The following TMOD1 variants were observed in gnomAD, a reference collection of about 807,000 sequenced individuals.
TMOD1 encodes the protein tropomodulin 1.
TMOD1 carries 17 observed loss-of-function variants against 40.6 expected under a neutral mutation model. That is an observed-to-expected ratio of 0.42 (90% CI 0.29 to 0.63). The LOEUF is 0.63. Among genes scored for constraint, TMOD1 ranks in the 20% least tolerant of loss-of-function variants. The pLI, the probability that TMOD1 is intolerant of heterozygous loss-of-function variation, is 0.22. For synonymous variants in TMOD1, 181 were observed against 175.0 expected, an observed-to-expected ratio of 1.03 and a Z score of -0.27; for missense variants, 391 against 447.6, an observed-to-expected ratio of 0.87 and a Z score of 1.14.
chr9:97,537,983 T>C (rs1243485382), intron 2 of TMOD1, among the ~76,000 whole-genome samples: 1 of 152,238 alleles, frequency 6.6e-6, no homozygotes, highest in East Asian at 1.9e-4. Context: ...ACATTGTTAT[T>C]AAAATATTTG....
chr9:97,559,845 A>ATCTG (rs71487329), intron 4 of TMOD1, among the ~76,000 whole-genome samples: 2 of 105,386 alleles, frequency 1.9e-5, no homozygotes, highest in African/African-American at 8.5e-5. Flanking sequence ...CTATCTATCT[A>ATCTG]TCTATCTCCA....
intron 7 of TMOD1, 26 bp downstream of exon 7, chr9:97,565,981 T>C (rs761426421): frequency 1.2e-6 from 2 of 1,600,450 alleles, no homozygotes; most frequent in South Asian, 1.1e-5. Flanking sequence ...TTCTGTTGCA[T>C]TGTGGCTGGG....
At position 97,557,229 on chromosome 9, in the gene TMOD1, A is replaced by C. The variant is rs1479126469; in HGVS notation, c.397+3829A>C. Among the ~76,000 whole-genome samples, 1 of 152,196 alleles carries C rather than the reference A, an allele frequency of 6.6e-6. No individual in the cohort carries two copies. The highest frequency in any genetic ancestry group is 2.4e-5 in the African/African-American group (1 of 41,448). On this transcript the variant is annotated intron_variant, in intron 4 of 9. Transcript: ENST00000259365. The surrounding 1 kb of genome is among the most constrained non-coding windows in gnomAD (Gnocchi z 4.4). ...AAAGCGTCCCTGCTGGGCAACAAGCAGAGTGCACAGGTTCCTGGCAGGGCT... is the reference window on the plus strand; with the variant it reads ...AAAGCGTCCCTGCTGGGCAACAAGCCGAGTGCACAGGTTCCTGGCAGGGCT...
At chr9:97,550,225 C>T (rs1263608151) in intron 3 of TMOD1, among the ~76,000 whole-genome samples, 2 of 152,170 alleles carry the variant, frequency 1.3e-5, no homozygotes, top group Admixed American at 6.5e-5. Flanking sequence ...TGCTTTATTC[C>T]TTTTTATACC....
intron 4 of TMOD1, among the ~76,000 whole-genome samples, chr9:97,560,258 T>C (rs1466807035): frequency 6.6e-6 from 1 of 152,094 alleles, no homozygotes; most frequent in Non-Finnish European, 1.5e-5. Flanking sequence ...GACGTGTATC[T>C]AGATATGTCT....
chr9:97,554,794 C>T (rs959750112), intron 4 of TMOD1, among the ~76,000 whole-genome samples: 9 of 151,976 alleles, frequency 5.9e-5, no homozygotes, highest in Non-Finnish European at 1.2e-4. Context: ...CTGCCTTCTG[C>T]GACTTGTGAG....
intron 2 of TMOD1, among the ~76,000 whole-genome samples, chr9:97,531,716 G>T (rs1199201871): frequency 6.6e-6 from 1 of 152,158 alleles, no homozygotes; most frequent in African/African-American, 2.4e-5. Context: ...TCATCTAACA[G>T]TACCCCACCC....
At chr9:97,547,223 A>T (rs1334619428) in intron 3 of TMOD1, among the ~76,000 whole-genome samples, 33 of 145,120 alleles carry the variant, frequency 2.3e-4, no homozygotes, top group Non-Finnish European at 1.7e-4. Context: ...CCCCTCCAAT[A>T]TCCCCCTCAT....
intron 8 of TMOD1, among the ~76,000 whole-genome samples, chr9:97,574,337 C>G (rs903165813): frequency 6.6e-6 from 1 of 152,102 alleles, no homozygotes; most frequent in African/African-American, 2.4e-5. Context: ...CCGCCGGCTC[C>G]GGGCAGTGAG....
chr9:97,508,734 A>G (rs1374754809), intron 1 of TMOD1, among the ~76,000 whole-genome samples: 1 of 152,130 alleles, frequency 6.6e-6, no homozygotes, highest in Non-Finnish European at 1.5e-5. Context: ...TTACTGGGTT[A>G]AACAGGGTCC....
At chr9:97,563,370 A>G (rs1309779960) in intron 5 of TMOD1, among the ~76,000 whole-genome samples, 1 of 152,144 alleles carries the variant, frequency 6.6e-6, no homozygotes, top group Non-Finnish European at 1.5e-5. Flanking sequence ...CAACTTCTTA[A>G]TCTACCTGGA....
intron 2 of TMOD1, among the ~76,000 whole-genome samples, chr9:97,545,388 T>A (rs1266242301): frequency 2.0e-5 from 3 of 151,892 alleles, no homozygotes; most frequent in Non-Finnish European, 4.4e-5. Flanking sequence ...ATAACTCCAA[T>A]CCCCCCAATA....
At chr9:97,528,193 T>A (rs191856960) in intron 2 of TMOD1, among the ~76,000 whole-genome samples, 1 of 152,280 alleles carries the variant, frequency 6.6e-6, no homozygotes, top group East Asian at 1.9e-4. Flanking sequence ...ACACTCCACT[T>A]GTGCTACTGG....
chr9:97,523,449 G>T (rs888216305), intron 1 of TMOD1, among the ~76,000 whole-genome samples: 4 of 152,196 alleles, frequency 2.6e-5, no homozygotes, highest in Non-Finnish European at 5.9e-5. Context: ...CGCAGAGAAG[G>T]TCTGCAGCCA....
At chr9:97,527,829 C>G (rs896650999) in intron 2 of TMOD1, among the ~76,000 whole-genome samples, 14 of 152,170 alleles carry the variant, frequency 9.2e-5, no homozygotes, top group African/African-American at 3.4e-4. Context: ...CTCTGCCATT[C>G]CCAGGGAGAA....
In TMOD1 at chr9:97,502,586, G is replaced by A. The variant is rs910403315; in HGVS notation, c.-49+783G>A. 6.6e-6 allele frequency among the ~76,000 whole-genome samples: 1 copy of A among 152,160 alleles called. No individual in the cohort carries two copies. Among genetic ancestry groups the A allele is most frequent in the African/African-American group, 2.4e-5 (1 of 41,444 alleles). On this transcript the variant is annotated intron_variant, in intron 1 of 9. Transcript: ENST00000259365. The surrounding 1 kb of genome is among the most constrained non-coding windows in gnomAD (Gnocchi z 6.1). ...AGAGCTGCAGGGCGCGCTCTTGGCC[G>A]CCTGCGCTCCCCACACCTGTTCACC...
intron 8 of TMOD1, among the ~76,000 whole-genome samples, chr9:97,587,935 T>C (rs2131289285): frequency 6.6e-6 from 1 of 152,374 alleles, no homozygotes; most frequent in Middle Eastern, 3.4e-3. Flanking sequence ...ATCAGAACTT[T>C]ATTCCCTTTC....
intron 9 of TMOD1, among the ~76,000 whole-genome samples, chr9:97,599,018 A>C (rs1052766866): frequency 2.0e-5 from 3 of 152,130 alleles, no homozygotes; most frequent in South Asian, 2.1e-4. Context: ...CTGCATCCTC[A>C]TCATCCTTTA....
In TMOD1 at chr9:97,560,880, G is replaced by A. The variant is rs549385877; in HGVS notation, c.398-1852G>A. ...TCCATCTCAAAAAAAAAAATTTGTT[G>A]TTTATCTAAAATTCCAAGTCAAGTG... On this transcript the variant is annotated intron_variant, in intron 4 of 9. Transcript: ENST00000259365. 2.0e-5 allele frequency among the ~76,000 whole-genome samples: 3 copies of A among 152,038 alleles called. No homozygotes were observed. The East Asian group carries it at 5.8e-4, about 29-fold the overall frequency.
Sources: allele counts gnomAD v4.1 joint callset (sites outside exome capture counted in the v4.1 genomes callset), GRCh38; gene constraint gnomAD v4.1.1; non-coding constraint Gnocchi (gnomAD v3.1); transcripts MANE v1.5; gene names NCBI Gene and HGNC (gene_info 2026-07-23, HGNC 2026-07-21).